Variants in EFCAB7 observed in about 807,000 individuals in gnomAD.
EFCAB7 encodes EF-hand calcium-binding domain-containing protein 7.
Under a neutral mutation model 77.1 loss-of-function variants are expected in EFCAB7, and 66 were observed. The ratio of observed to expected loss-of-function variants is 0.86; its 90% confidence interval spans 0.70 to 1.05. EFCAB7 has a LOEUF of 1.05. EFCAB7 is among the 50% of genes least tolerant of loss of function. EFCAB7 has a pLI of 0.00. For missense variants in EFCAB7, 638 were observed against 730.5 expected, an observed-to-expected ratio of 0.87 and a Z score of 1.46; for synonymous variants, 225 against 243.3, an observed-to-expected ratio of 0.92 and a Z score of 0.70.
intron 11 of EFCAB7, among the ~76,000 whole-genome samples, chr1:63,564,826 A>G (rs1353286706): frequency 6.6e-6 from 1 of 152,236 alleles, no homozygotes; most frequent in Non-Finnish European, 1.5e-5. Context: ...ACAGGGCTAC[A>G]GTAACCAAAA....
chr1:63,532,172 C>G, intron 3 of EFCAB7, 141 bp downstream of exon 3: 1 of 667,492 alleles, frequency 1.5e-6, no homozygotes, highest in Non-Finnish European at 2.6e-6. Context: ...TTATAACGTA[C>G]TTAGGAATCC....
At chr1:63,541,061 G>T (rs1446515009) in intron 6 of EFCAB7, among the ~76,000 whole-genome samples, 7 of 152,098 alleles carry the variant, frequency 4.6e-5, no homozygotes, top group African/African-American at 1.7e-4. Context: ...TATGAGAATA[G>T]GAGAATGGGT....
chr1:63,561,690 CT>C lies in EFCAB7; in HGVS notation c.1349-15del, dbSNP rs1300361378. 3.9e-6 allele frequency: 6 copies of C among 1,535,870 alleles called. No individual in the cohort carries two copies. In the South Asian group the frequency reaches 5.1e-5, roughly 13 times the overall value. On this transcript the variant is annotated intron_variant, in intron 10 of 13. Transcript: ENST00000371088. ...AATTTTTAAATTATGTAAGAAAAAA[CT>C]TTTGGTTGTTTAAACAGAGAATTTT...
At chr1:63,567,604 C>A (rs1194711182) in intron 11 of EFCAB7, among the ~76,000 whole-genome samples, 3 of 152,150 alleles carry the variant, frequency 2.0e-5, no homozygotes, top group Non-Finnish European at 4.4e-5. Flanking sequence ...AGCAGGAAGA[C>A]AAGGTACCTA....
In EFCAB7 at chr1:63,534,170, C is replaced by T. The variant is rs1646735278; in HGVS notation, c.758C>T (p.Ala253Val). Residue 253 changes from alanine (A) to valine (V), a missense_variant, in exon 6 of 14, where the codon GCT becomes GTT. Ala to Val is a moderately conservative substitution (Grantham distance 64). Coordinates refer to ENST00000371088, the MANE Select transcript of EFCAB7 (RefSeq NM_032437.4). ...GTTTCCTTCACAGTTACCATGGGGGCTAATGGTAACCGAAACTCAAAGTTA... is the reference window on the plus strand; with the variant it reads ...GTTTCCTTCACAGTTACCATGGGGGTTAATGGTAACCGAAACTCAAAGTTA... ...TSVSFTVTMG[A>V]NGNRNSKLME... The T allele has an allele frequency of 6.2e-7, 1 of 1,612,820 alleles. No homozygotes were observed. The highest frequency in any genetic ancestry group is 8.5e-7 in the Non-Finnish European group (1 of 1,179,358).
At chr1:63,528,995 C>G (rs1339495667) in intron 2 of EFCAB7, 1 of 152,042 alleles carries the variant, frequency 6.6e-6, no homozygotes, top group Non-Finnish European at 1.5e-5. Flanking sequence ...TTTACATCTA[C>G]TTGTATTCCC....
At chr1:63,530,288 G>T (rs943662257) in intron 2 of EFCAB7, among the ~76,000 whole-genome samples, 2 of 151,930 alleles carry the variant, frequency 1.3e-5, no homozygotes, top group East Asian at 3.9e-4. Context: ...TTGGTGATGC[G>T]CAGATCTTGT....
chr1:63,526,787 C>T (rs11807611), intron 2 of EFCAB7, among the ~76,000 whole-genome samples: 3,261 of 150,742 alleles, frequency 0.022, 120 homozygotes, highest in African/African-American at 0.075. Context: ...TTTTTTGAGA[C>T]GGAGTCTTGC....
At chr1:63,541,722 C>T (rs1223666999) in intron 6 of EFCAB7, among the ~76,000 whole-genome samples, 1 of 151,886 alleles carries the variant, frequency 6.6e-6, no homozygotes, top group Non-Finnish European at 1.5e-5. Context: ...ACCACAACAC[C>T]CGGCTAATTT....
At chr1:63,536,850 T>G (rs547075041) in intron 6 of EFCAB7, 17 of 152,218 alleles carry the variant, frequency 1.1e-4, no homozygotes, top group Non-Finnish European at 2.5e-4. Context: ...TGGTTGTGAA[T>G]GTACAGAATA....
At chr1:63,544,622 A>G (rs930247190) in intron 6 of EFCAB7, among the ~76,000 whole-genome samples, 4 of 151,870 alleles carry the variant, frequency 2.6e-5, no homozygotes, top group Non-Finnish European at 4.4e-5. Flanking sequence ...CATGTTGGCC[A>G]GGCTGGTCTT....
chr1:63,564,871 C>G (rs913022976), intron 11 of EFCAB7, among the ~76,000 whole-genome samples: 1 of 152,150 alleles, frequency 6.6e-6, no homozygotes, highest in African/African-American at 2.4e-5. Flanking sequence ...AACATATAGA[C>G]CAATGGAACA....
intron 1 of EFCAB7, 42 bp from the exon 2 acceptor site, chr1:63,525,530 G>A (rs975865201): frequency 5.8e-6 from 8 of 1,386,316 alleles, no homozygotes; most frequent in African/African-American, 1.5e-5. Context: ...GTGTTTTAGT[G>A]ACTCACATTG....
At chr1:63,550,920 G>A (rs767223907) in intron 7 of EFCAB7, 4 of 152,078 alleles carry the variant, frequency 2.6e-5, no homozygotes, top group African/African-American at 4.8e-5. Flanking sequence ...GATGGGCAGC[G>A]TTTTAAAAAA....
intron 11 of EFCAB7, among the ~76,000 whole-genome samples, chr1:63,563,300 T>TA (rs918739622): frequency 2.6e-5 from 4 of 151,790 alleles, no homozygotes; most frequent in African/African-American, 4.8e-5. Context: ...ATTCAAAAGG[T>TA]AAAAAAAATA....
At chr1:63,560,182 G>C (rs551480597) in intron 10 of EFCAB7, among the ~76,000 whole-genome samples, 291 of 152,166 alleles carry the variant, frequency 1.9e-3, no homozygotes, top group African/African-American at 6.7e-3. Flanking sequence ...TCGATCTCCT[G>C]ACCTCATGAT....
At chr1:63,533,920 A>T (rs971208930) in intron 5 of EFCAB7, among the ~76,000 whole-genome samples, 175 bp from the exon 6 acceptor site, 1 of 152,184 alleles carries the variant, frequency 6.6e-6, no homozygotes, top group Non-Finnish European at 1.5e-5. Context: ...TTAGAAGCCC[A>T]TAAATTAGGG....
intron 6 of EFCAB7, among the ~76,000 whole-genome samples, chr1:63,542,565 A>T (rs529413025): frequency 6.6e-6 from 1 of 152,312 alleles, no homozygotes; most frequent in East Asian, 1.9e-4. Context: ...TATGCATTTT[A>T]TGTTCCTATC....
intron 8 of EFCAB7, among the ~76,000 whole-genome samples, chr1:63,553,775 C>T (rs1646994756): frequency 6.6e-6 from 1 of 152,134 alleles, no homozygotes. Context: ...CTTAGATGAG[C>T]AACATTATTT....
Sources: allele counts gnomAD v4.1 joint callset (sites outside exome capture counted in the v4.1 genomes callset), GRCh38; gene constraint gnomAD v4.1.1; transcripts MANE v1.5; gene names NCBI Gene and HGNC (gene_info 2026-07-23, HGNC 2026-07-21).